GLP2R: variants seen among roughly 807,000 people sequenced by gnomAD.
GLP2R encodes glucagon-like peptide 2 receptor.
GLP2R carries 59 observed loss-of-function variants against 68.2 expected under a neutral mutation model. The observed-to-expected ratio is 0.87, with a 90% CI of 0.70 to 1.07. The LOEUF is 1.07. GLP2R is among the 50% of genes least tolerant of loss of function. The pLI is 0.00. For synonymous variants in GLP2R, 270 were observed against 265.4 expected, an observed-to-expected ratio of 1.02 and a Z score of -0.17; for missense variants, 548 against 677.4, an observed-to-expected ratio of 0.81 and a Z score of 2.12.
At chr17:9,856,758 A>G (rs2066936870) in intron 5 of GLP2R, among the ~76,000 whole-genome samples, 1 of 152,186 alleles carries the variant, frequency 6.6e-6, no homozygotes, top group African/African-American at 2.4e-5. Context: ...GGGACTTTGG[A>G]CAGATGACTT....
chr17:9,853,221 G>T (rs2066907677), intron 4 of GLP2R: 1 of 317,002 alleles, frequency 3.2e-6, no homozygotes, highest in Non-Finnish European at 6.0e-6. Flanking sequence ...GCCTTAAAGG[G>T]ATCGTCTTTG....
intron 3 of GLP2R, among the ~76,000 whole-genome samples, chr17:9,838,406 G>A (rs549867189): frequency 4.0e-4 from 61 of 152,192 alleles, no homozygotes; most frequent in Non-Finnish European, 7.9e-4. Flanking sequence ...GCTGAATCCA[G>A]GGAGGAGCCC....
chr17:9,846,079 TGA>T (rs2066835865), intron 4 of GLP2R, among the ~76,000 whole-genome samples: 1 of 152,228 alleles, frequency 6.6e-6, no homozygotes, highest in African/African-American at 2.4e-5. Context: ...CTTTATATGT[TGA>T]GTCTTAAATT....
intron 3 of GLP2R, among the ~76,000 whole-genome samples, chr17:9,841,143 A>G (rs977204855): frequency 6.6e-6 from 1 of 150,768 alleles, no homozygotes; most frequent in East Asian, 2.0e-4. Flanking sequence ...CAGCCTCCCT[A>G]GTAGCTGGGA....
At chr17:9,877,517 C>T (rs925412726) in intron 10 of GLP2R, among the ~76,000 whole-genome samples, 3 of 152,070 alleles carry the variant, frequency 2.0e-5, no homozygotes, top group South Asian at 4.2e-4. Context: ...ACATAAACCC[C>T]GAACTTTAGT....
At chr17:9,887,528 A>G (rs1435982495) in intron 11 of GLP2R, among the ~76,000 whole-genome samples, 1 of 152,144 alleles carries the variant, frequency 6.6e-6, no homozygotes, top group Non-Finnish European at 1.5e-5. Flanking sequence ...CTCCATCTCT[A>G]ACAAACAAAC....
rs140601022 is a variant in GLP2R, at chr17:9,889,693, G to A, written c.1650G>A (p.Glu550=). Residue 550 remains glutamate (E), a synonymous_variant, in exon 13 of 13, where the codon GAG becomes GAA. Coordinates refer to ENST00000262441, the MANE Select transcript of GLP2R (RefSeq NM_004246.3). ...MANTMEEILE[E]SEI Reference sequence around the variant, plus strand: ...ACACCATGGAGGAGATTCTGGAAGAGAGTGAGATCTAGGGTGGAGTTCCAC... The same window carrying A: ...ACACCATGGAGGAGATTCTGGAAGAAAGTGAGATCTAGGGTGGAGTTCCAC... The A allele has an allele frequency of 2.6e-6, 4 of 1,564,614 alleles. No individual in the cohort carries two copies. The highest frequency in any genetic ancestry group is 3.5e-6 in the Non-Finnish European group (4 of 1,151,372).
At chr17:9,884,299 T>C (rs1220566145) in intron 11 of GLP2R, among the ~76,000 whole-genome samples, 2 of 152,188 alleles carry the variant, frequency 1.3e-5, no homozygotes, top group African/African-American at 4.8e-5. Context: ...ATGGAATAAT[T>C]TCAGCCTCAT....
chr17:9,856,002 C>A (rs1056338309), intron 5 of GLP2R, among the ~76,000 whole-genome samples: 1 of 152,128 alleles, frequency 6.6e-6, no homozygotes, highest in African/African-American at 2.4e-5. Context: ...GTGTGGGAGA[C>A]CTGGAAACCA....
At chr17:9,865,906 C>G (rs2067032128) in intron 9 of GLP2R, 1 of 471,132 alleles carries the variant, frequency 2.1e-6, no homozygotes, top group Non-Finnish European at 4.4e-6. Flanking sequence ...AGACATTTAA[C>G]CATGAACTTG....
At chr17:9,841,413 T>A (rs1039988517) in intron 3 of GLP2R, among the ~76,000 whole-genome samples, 1 of 151,910 alleles carries the variant, frequency 6.6e-6, no homozygotes, top group Non-Finnish European at 1.5e-5. Flanking sequence ...GAGTCCCATC[T>A]CCCGGTGGGA....
At chr17:9,837,460 G>A (rs1431742538) in intron 3 of GLP2R, among the ~76,000 whole-genome samples, 1 of 152,002 alleles carries the variant, frequency 6.6e-6, no homozygotes, top group East Asian at 1.9e-4. Context: ...GAAACAGGTG[G>A]GGGAGAAAGA....
At chr17:9,849,615 T>A in intron 4 of GLP2R, among the ~76,000 whole-genome samples, 1 of 136,620 alleles carries the variant, frequency 7.3e-6, no homozygotes, top group South Asian at 2.5e-4. Context: ...TTCTTTTTTT[T>A]TTTTTTTTTT....
At chr17:9,886,300 T>G (rs1280792823) in intron 11 of GLP2R, among the ~76,000 whole-genome samples, 1 of 152,148 alleles carries the variant, frequency 6.6e-6, no homozygotes, top group Non-Finnish European at 1.5e-5. Flanking sequence ...CGGTGACATA[T>G]GAAGTAAGAG....
chr17:9,884,224 T>TA, intron 11 of GLP2R, among the ~76,000 whole-genome samples: 1 of 151,854 alleles, frequency 6.6e-6, no homozygotes, highest in South Asian at 2.1e-4. Context: ...AAAATAACTT[T>TA]AAAAAATGTA....
intron 4 of GLP2R, among the ~76,000 whole-genome samples, chr17:9,848,282 G>C (rs1269439472): frequency 6.6e-6 from 1 of 152,028 alleles, no homozygotes; most frequent in Admixed American, 6.6e-5. Flanking sequence ...AACTGTTTGA[G>C]AACAACAACA....
intron 10 of GLP2R, among the ~76,000 whole-genome samples, chr17:9,872,415 A>G (rs1271675194): frequency 6.6e-6 from 1 of 152,128 alleles, no homozygotes; most frequent in Non-Finnish European, 1.5e-5. Flanking sequence ...TGTCTCTACT[A>G]AAAATACAAA....
chr17:9,875,422 GC>G (rs2067134711), intron 10 of GLP2R, among the ~76,000 whole-genome samples: 1 of 152,180 alleles, frequency 6.6e-6, no homozygotes, highest in African/African-American at 2.4e-5. Flanking sequence ...GTAGGTACAG[GC>G]TGCCTCCAAT....
At chr17:9,827,598 G>A (rs1056065610) in intron 1 of GLP2R, among the ~76,000 whole-genome samples, 1 of 152,098 alleles carries the variant, frequency 6.6e-6, no homozygotes, top group African/African-American at 2.4e-5. Context: ...TGGATACTGG[G>A]CTATGGGCAG....
Sources: gnomAD v4.1 joint callset for allele counts (sites outside exome capture counted in the v4.1 genomes callset) on GRCh38, gnomAD v4.1.1 for gene constraint, MANE v1.5 for transcripts, NCBI Gene and HGNC (gene_info 2026-07-23, HGNC 2026-07-21) for gene names.